The following PYGO1 variants were observed in gnomAD, a reference collection of about 807,000 sequenced individuals.
PYGO1 encodes the protein pygopus homolog 1.
A neutral mutation model predicts 29.5 loss-of-function variants in PYGO1; 6 were observed. The ratio of observed to expected loss-of-function variants is 0.20; its 90% confidence interval spans 0.11 to 0.40. PYGO1 has a LOEUF of 0.40. Ranked by LOEUF, PYGO1 falls within the 10% of genes least tolerant of loss-of-function variation. The pLI is 1.00. For synonymous variants in PYGO1, 186 were observed against 180.5 expected (o/e 1.03, Z -0.24); for missense variants, 515 against 514.9 (o/e 1.00, Z 0.00).
chr15:55,587,782 C>T (rs1054224093), intron 1 of PYGO1, 53 bp downstream of exon 1: 2 of 1,459,804 alleles, frequency 1.4e-6, no homozygotes, highest in African/African-American at 1.5e-5. Context: ...GGCACGGGGC[C>T]CCGCGCACCT....
intron 1 of PYGO1, among the ~76,000 whole-genome samples, chr15:55,568,320 C>CTGTGTGTGTGTGTGTG (rs58177433): frequency 0.012 from 1,470 of 125,878 alleles, 52 homozygotes; most frequent in African/African-American, 0.027. Flanking sequence ...TTCCTAGGTA[C>CTGTGTGTGTGTGTGTG]TGTGTGTGTG....
At chr15:55,566,227 A>C (rs1323798075) in intron 1 of PYGO1, among the ~76,000 whole-genome samples, 1 of 152,054 alleles carries the variant, frequency 6.6e-6, no homozygotes, top group African/African-American at 2.4e-5. Flanking sequence ...CCCTAATTGC[A>C]CTGCCCCTCA....
At chr15:55,568,320 C>CTGTGTG (rs58177433) in intron 1 of PYGO1, among the ~76,000 whole-genome samples, 13,158 of 125,720 alleles carry the variant, frequency 0.1, 922 homozygotes, top group East Asian at 0.19. Flanking sequence ...TTCCTAGGTA[C>CTGTGTG]TGTGTGTGTG....
chr15:55,557,643 C>T (rs1021299289), intron 1 of PYGO1, among the ~76,000 whole-genome samples: 7 of 152,150 alleles, frequency 4.6e-5, no homozygotes, highest in Admixed American at 2.6e-4. Flanking sequence ...AGCTTATCCA[C>T]CATGATCAAG....
At chr15:55,569,413 T>C (rs977435776) in intron 1 of PYGO1, among the ~76,000 whole-genome samples, 1 of 152,220 alleles carries the variant, frequency 6.6e-6, no homozygotes, top group African/African-American at 2.4e-5. Context: ...TTTGAGGTGA[T>C]GTTCAGTGCT....
At position 55,588,182 on chromosome 15, in the gene PYGO1, T is replaced by G; in HGVS notation, c.-299A>C. 1 of 353,018 alleles carries G rather than the reference T, an allele frequency of 2.8e-6. No individual in the cohort carries two copies. Among genetic ancestry groups the G allele is most frequent in the Non-Finnish European group, 3.9e-6 (1 of 255,448 alleles). The allele number at this position is 353,018 out of a possible 1,614,324, so 21.9% of individuals were successfully genotyped here. A position where few individuals can be genotyped will look rare whatever the true frequency, so the allele number is the denominator to read the frequency against. On this transcript the variant is annotated 5_prime_UTR_variant, in exon 1 of 3. Transcript: ENST00000563719. ...GGGGCCGGCATGTGCTGAGGGCGAG[T>G]GCGCCGCCGCCGCCGCCGCCTCCTC... is the stretch of plus-strand genomic sequence containing the variant.
Position 55,541,604 on chromosome 15 carries a change from A to T in PYGO1, c.*4419T>A, listed in dbSNP as rs2290982. ...TATCTTCATTCATACCTTAGTAGAA[A>T]ATGCTTTTCTCTTAAAGTCTAGCCA... On this transcript the variant is annotated 3_prime_UTR_variant, in exon 3 of 3. Coordinates refer to ENST00000563719, the MANE Select transcript of PYGO1 (RefSeq NM_001367806.1). 15 of 152,354 alleles carry T rather than the reference A, an allele frequency of 9.8e-5. No homozygotes were observed. In the East Asian group the frequency reaches 2.9e-3, roughly 29 times the overall value. The allele number at this position is 152,354 out of a possible 1,614,324, so 9.4% of individuals were successfully genotyped here.
At chr15:55,553,997 C>A (rs2058891870) in intron 1 of PYGO1, among the ~76,000 whole-genome samples, 1 of 152,056 alleles carries the variant, frequency 6.6e-6, no homozygotes, top group Admixed American at 6.5e-5. Flanking sequence ...ACAACAATAT[C>A]AACAAAAAAG....
chr15:55,542,134 A>G lies in PYGO1; in HGVS notation c.*3889T>C, dbSNP rs1469489398. The stretch of plus-strand genomic sequence containing the variant: ...ATCATTGCTTATATATTTTCTTACT[A>G]TTAAATACAATTACTATAGTACATT... On this transcript the variant is annotated 3_prime_UTR_variant, in exon 3 of 3. Transcript: ENST00000563719. 1 of 152,230 alleles carries G rather than the reference A, an allele frequency of 6.6e-6. No individual in the cohort carries two copies. Among genetic ancestry groups the G allele is most frequent in the Non-Finnish European group, 1.5e-5 (1 of 68,040 alleles). 9.4% of individuals were successfully genotyped at this position (152,230 alleles called of 1,614,324 possible).
intron 1 of PYGO1, among the ~76,000 whole-genome samples, chr15:55,553,113 C>G (rs938782203): frequency 6.6e-6 from 1 of 152,214 alleles, no homozygotes; most frequent in Non-Finnish European, 1.5e-5. Context: ...TGCAGCACAG[C>G]TGCTGTGCCA....
At position 55,585,834 on chromosome 15, in the gene PYGO1, G is replaced by T. The variant is rs1425338277; in HGVS notation, c.49+2001C>A. ...ACCCCAAAACAATTTATAATAGTAG[G>T]CAAAATTATACAGCACAAATATCAG... On this transcript the variant is annotated intron_variant, in intron 1 of 2. Transcript: ENST00000563719. 3.3e-5 allele frequency among the ~76,000 whole-genome samples: 5 copies of T among 152,068 alleles called. No individual in the cohort carries two copies. The South Asian group carries it at 1.0e-3, about 32-fold the overall frequency.
chr15:55,582,727 T>C (rs1567060921), intron 1 of PYGO1, among the ~76,000 whole-genome samples: 2 of 152,202 alleles, frequency 1.3e-5, no homozygotes, highest in African/African-American at 2.4e-5. Flanking sequence ...AGGATACTCA[T>C]TCAATGTGTC....
chr15:55,551,626 C>T (rs1355012868), intron 1 of PYGO1, among the ~76,000 whole-genome samples: 2 of 151,808 alleles, frequency 1.3e-5, no homozygotes, highest in Non-Finnish European at 1.5e-5. Context: ...TGAGATCCCA[C>T]CTCTACATTA....
Position 55,546,165 on chromosome 15 carries a change from C to T in PYGO1, c.1118G>A (p.Gly373Glu). 1 of 1,614,176 alleles carries T rather than the reference C, an allele frequency of 6.2e-7. No homozygotes were observed. The highest frequency in any genetic ancestry group is 8.5e-7 in the Non-Finnish European group (1 of 1,180,022). The change falls in exon 3 of 3, where the codon GGA becomes GAA. Residue 373 changes from glycine to glutamate, a missense_variant. Transcript: ENST00000563719. The part of the protein sequence containing the change: ...CQKWFHRICT[G>E]MTETAYGLLT... ...GAGGCCATAAGCTGTTTCAGTCATT[C>T]CAGTACAGATCCGATGAAACCATTT...
intron 1 of PYGO1, among the ~76,000 whole-genome samples, chr15:55,566,713 C>T (rs2058958385): frequency 6.6e-6 from 1 of 152,152 alleles, no homozygotes; most frequent in African/African-American, 2.4e-5. Flanking sequence ...TCCCTTTTCT[C>T]CACAGGCCTT....
chr15:55,560,336 C>T (rs1301063474), intron 1 of PYGO1, among the ~76,000 whole-genome samples: 1 of 152,082 alleles, frequency 6.6e-6, no homozygotes, highest in Admixed American at 6.6e-5. Flanking sequence ...AGCAAAATCT[C>T]AGGATATAAA....
chr15:55,549,072 T>C, intron 1 of PYGO1, 77 bp from the exon 2 acceptor site: 1 of 1,064,224 alleles, frequency 9.4e-7, no homozygotes, highest in Non-Finnish European at 1.4e-6. Flanking sequence ...ATATCTATTA[T>C]ATTTACCTGT....
At chr15:55,583,948 T>C (rs1379045517) in intron 1 of PYGO1, among the ~76,000 whole-genome samples, 1 of 152,190 alleles carries the variant, frequency 6.6e-6, no homozygotes, top group African/African-American at 2.4e-5. Flanking sequence ...AAAAGAACAC[T>C]CACTACTTCT....
intron 1 of PYGO1, among the ~76,000 whole-genome samples, chr15:55,560,626 T>C (rs1359392002): frequency 1.3e-5 from 2 of 152,198 alleles, no homozygotes. Flanking sequence ...ATAGACTTGA[T>C]GCTATTCTCA....
Sources: gnomAD v4.1 joint callset for allele counts (sites outside exome capture counted in the v4.1 genomes callset) on GRCh38, gnomAD v4.1.1 for gene constraint, MANE v1.5 for transcripts, NCBI Gene and HGNC (gene_info 2026-07-23, HGNC 2026-07-21) for gene names.